BZW2: variants seen among roughly 807,000 people sequenced by gnomAD.
The protein encoded by BZW2 is eIF5-mimic protein 1.
Under a neutral mutation model 53.2 loss-of-function variants are expected in BZW2, and 23 were observed. That is an observed-to-expected ratio of 0.43 (90% confidence interval 0.31 to 0.61). The LOEUF is 0.61. BZW2 is among the 20% of genes least tolerant of loss of function. The pLI, the probability that BZW2 is intolerant of heterozygous loss-of-function variation, is 0.09. For missense variants in BZW2, 409 were observed against 503.1 expected (o/e 0.81, Z 1.79); for synonymous variants, 227 against 186.4 (o/e 1.22, Z -1.77).
At chr7:16,678,523 G>T (rs1562486888) in intron 3 of BZW2, among the ~76,000 whole-genome samples, 1 of 152,116 alleles carries the variant, frequency 6.6e-6, no homozygotes, top group Non-Finnish European at 1.5e-5. Context: ...GCAAGATGTA[G>T]CAATATTATT....
chr7:16,704,753 C>G (rs1267376166), intron 11 of BZW2, 84 bp downstream of exon 11: 1 of 1,315,562 alleles, frequency 7.6e-7, no homozygotes, highest in African/African-American at 1.5e-5. Context: ...ACAGATTTTA[C>G]TTGATTTTCT....
intron 2 of BZW2, among the ~76,000 whole-genome samples, chr7:16,666,294 C>T (rs1254147558): frequency 3.9e-5 from 6 of 152,022 alleles, no homozygotes; most frequent in Non-Finnish European, 5.9e-5. Flanking sequence ...GAGACAGGGT[C>T]TCAAACTCCT....
At position 16,681,526 on chromosome 7, in the gene BZW2, TGG is replaced by T. The variant is rs1429454867; in HGVS notation, c.339+124_339+125del. On this transcript the variant is annotated intron_variant, in intron 4 of 11. Transcript: ENST00000258761. ...AAAGCCTTTAAACTTATGAAAATAA[TGG>T]GCATTAAAACTACAAAAATAGGCCT... 1.0e-4 allele frequency: 86 copies of T among 832,398 alleles called. 1 individual carries two copies. The African/African-American group carries it at 1.4e-3, about 14-fold the overall frequency. The allele number at this position is 832,398 out of a possible 1,614,324, so 51.6% of individuals were successfully genotyped here. A position where few individuals can be genotyped will look rare whatever the true frequency, so the allele number is the denominator to read the frequency against.
intron 3 of BZW2, among the ~76,000 whole-genome samples, 174 bp downstream of exon 3, chr7:16,674,762 G>A (rs779812813): frequency 1.3e-5 from 2 of 152,302 alleles, no homozygotes; most frequent in East Asian, 1.9e-4. Context: ...TAATGCAGAT[G>A]TGAAATGATT....
At chr7:16,682,431 C>T (rs959945579) in intron 4 of BZW2, among the ~76,000 whole-genome samples, 4 of 152,196 alleles carry the variant, frequency 2.6e-5, no homozygotes, top group Non-Finnish European at 4.4e-5. Flanking sequence ...CTCCCCATCA[C>T]ATCGTTGTCT....
At chr7:16,667,764 G>C (rs1365370934) in intron 2 of BZW2, among the ~76,000 whole-genome samples, 1 of 152,060 alleles carries the variant, frequency 6.6e-6, no homozygotes, top group African/African-American at 2.4e-5. Flanking sequence ...TTTCTGTTTT[G>C]CACTCTCCCT....
At chr7:16,697,119 T>C in intron 9 of BZW2, 58 bp downstream of exon 9, 2 of 1,545,694 alleles carry the variant, frequency 1.3e-6, no homozygotes, top group Non-Finnish European at 1.7e-6. Flanking sequence ...CTTTTTTTGT[T>C]TGTTTGTTTG....
intron 1 of BZW2, among the ~76,000 whole-genome samples, chr7:16,657,010 G>T (rs1782141592): frequency 6.6e-6 from 1 of 152,118 alleles, no homozygotes; most frequent in South Asian, 2.1e-4. Context: ...TCCAGCCTTG[G>T]AGTCAGCCAT....
chr7:16,696,876 C>T (rs2128368518), intron 8 of BZW2, 39 bp from the exon 9 acceptor site: 1 of 1,610,594 alleles, frequency 6.2e-7, no homozygotes, highest in East Asian at 2.2e-5. Context: ...AGCCCTCCAT[C>T]TGCCTGTTAC....
chr7:16,695,282 A>T (rs139745842), intron 8 of BZW2, among the ~76,000 whole-genome samples: 274 of 152,362 alleles, frequency 1.8e-3, no homozygotes, highest in African/African-American at 6.2e-3. Context: ...TTCATCTGTC[A>T]AAGAGATTTG....
In BZW2 at chr7:16,646,272, G is replaced by C; in HGVS notation, c.-24G>C. ...GCAGCCCCCAGCCTTGCGCGTCGTC[G>C]CTACCTCCTCGGACAGGTGAGAAGC... On this transcript the variant is annotated 5_prime_UTR_variant, in exon 1 of 12. Coordinates refer to ENST00000258761, the MANE Select transcript of BZW2 (RefSeq NM_014038.3). The C allele has an allele frequency of 3.7e-6, 1 of 273,794 alleles. No individual in the cohort carries two copies. Among genetic ancestry groups the C allele is most frequent in the South Asian group, 3.0e-5 (1 of 33,402 alleles). 17.0% of individuals were successfully genotyped at this position (273,794 alleles called of 1,614,324 possible).
At chr7:16,694,779 T>C in intron 7 of BZW2, 55 bp from the exon 8 acceptor site, 1 of 1,379,740 alleles carries the variant, frequency 7.2e-7, no homozygotes. Context: ...TTGTCCTTTA[T>C]GCTTGCTGAA....
intron 2 of BZW2, among the ~76,000 whole-genome samples, chr7:16,673,109 G>A (rs986323663): frequency 1.3e-5 from 2 of 152,096 alleles, no homozygotes; most frequent in African/African-American, 2.4e-5. Flanking sequence ...ACCACCCCTG[G>A]CTAATTTTTT....
At position 16,696,111 on chromosome 7, in the gene BZW2, A is replaced by G. The variant is rs1174035041; in HGVS notation, c.823-804A>G. 5.3e-5 allele frequency: 8 copies of G among 152,212 alleles called. 1 individual carries two copies. The East Asian group carries it at 5.8e-4, about 11-fold the overall frequency. 9.4% of individuals were successfully genotyped at this position (152,212 alleles called of 1,614,324 possible). On this transcript the variant is annotated intron_variant, in intron 8 of 11. Coordinates refer to ENST00000258761, the MANE Select transcript of BZW2 (RefSeq NM_014038.3). ...CTCCAGGCCAGAAGTCAAGAAAGCA[A>G]TGTGTTTCCAGCAAAAAAGAAAAGG...
intron 4 of BZW2, 92 bp from the exon 5 acceptor site, chr7:16,682,688 T>G (rs897316993): frequency 3.1e-6 from 2 of 655,510 alleles, no homozygotes; most frequent in Non-Finnish European, 4.9e-6. Context: ...CTTTTATTAT[T>G]ATAGATCTAT....
At position 16,697,066 on chromosome 7, in the gene BZW2, C is replaced by A; in HGVS notation, c.969+5C>A. The A allele has an allele frequency of 6.2e-7, 1 of 1,613,098 alleles. No individual in the cohort carries two copies. Among genetic ancestry groups the A allele is most frequent in the Non-Finnish European group, 8.5e-7 (1 of 1,179,658 alleles). On this transcript the variant is annotated splice_donor_5th_base_variant and intron_variant, in intron 9 of 11. Coordinates refer to ENST00000258761, the MANE Select transcript of BZW2 (RefSeq NM_014038.3). Reference sequence around the variant, plus strand: ...CAGGCTCTGAAGCACCTGAAGGTAACAGCCCTTAGCAAGGAACTGACCCAG... The same window carrying A: ...CAGGCTCTGAAGCACCTGAAGGTAAAAGCCCTTAGCAAGGAACTGACCCAG...
At chr7:16,658,738 G>C (rs1431045941) in intron 1 of BZW2, among the ~76,000 whole-genome samples, 1 of 151,954 alleles carries the variant, frequency 6.6e-6, no homozygotes, top group African/African-American at 2.4e-5. Context: ...AGCCGGGCAT[G>C]GTGGCGTGCA....
At chr7:16,656,079 A>ATG (rs1413553489) in intron 1 of BZW2, among the ~76,000 whole-genome samples, 1 of 150,622 alleles carries the variant, frequency 6.6e-6, no homozygotes, top group Non-Finnish European at 1.5e-5. Flanking sequence ...ATAGTCATAT[A>ATG]TATGTGTGTG....
At chr7:16,663,446 A>G (rs1782326890) in intron 1 of BZW2, among the ~76,000 whole-genome samples, 1 of 152,036 alleles carries the variant, frequency 6.6e-6, no homozygotes, top group African/African-American at 2.4e-5. Context: ...TTTTTGTTTT[A>G]TGTGACTTTT....
Sources: gnomAD v4.1 joint callset for allele counts (sites outside exome capture counted in the v4.1 genomes callset) on GRCh38, gnomAD v4.1.1 for gene constraint, MANE v1.5 for transcripts, NCBI Gene and HGNC (gene_info 2026-07-23, HGNC 2026-07-21) for gene names.